The following TNFRSF9 variants were observed in gnomAD, a reference collection of about 807,000 sequenced individuals.
TNFRSF9 encodes the protein TNF receptor superfamily member 9.
TNFRSF9 carries 16 observed loss-of-function variants against 28.8 expected under a neutral mutation model. The observed-to-expected ratio is 0.55, with a 90% CI of 0.38 to 0.84. The LOEUF is 0.84. Among genes scored for constraint, TNFRSF9 ranks in the 40% least tolerant of loss-of-function variants. The pLI, the probability that TNFRSF9 is intolerant of heterozygous loss-of-function variation, is 0.00. For synonymous variants in TNFRSF9, 131 were observed against 117.0 expected, an observed-to-expected ratio of 1.12 and a Z score of -0.77; for missense variants, 303 against 315.0, an observed-to-expected ratio of 0.96 and a Z score of 0.29.
chr1:7,922,987 C>T (rs1000145310), intron 7 of TNFRSF9, among the ~76,000 whole-genome samples: 4 of 150,948 alleles, frequency 2.6e-5, no homozygotes, highest in Admixed American at 1.3e-4. Flanking sequence ...ACTGCAACCT[C>T]CGCCTCTTGG....
intron 7 of TNFRSF9, among the ~76,000 whole-genome samples, chr1:7,929,741 G>A (rs1248525050): frequency 6.6e-6 from 1 of 152,126 alleles, no homozygotes; most frequent in African/African-American, 2.4e-5. Context: ...GATCTCTGTG[G>A]TGATGGATAG....
chr1:7,930,570 C>T (rs1487941068), intron 7 of TNFRSF9, among the ~76,000 whole-genome samples: 7 of 152,026 alleles, frequency 4.6e-5, no homozygotes, highest in African/African-American at 1.7e-4. Flanking sequence ...CTGGCCTGGA[C>T]AACACCGTGA....
At chr1:7,929,839 A>G (rs1639707566) in intron 7 of TNFRSF9, among the ~76,000 whole-genome samples, 1 of 152,100 alleles carries the variant, frequency 6.6e-6, no homozygotes, top group African/African-American at 2.4e-5. Flanking sequence ...GCCAATGTCA[A>G]TTTCCTGCTT....
chr1:7,938,701 A>C lies in TNFRSF9; in HGVS notation c.208+20T>G, dbSNP rs1159186297. 1.3e-6 allele frequency: 2 copies of C among 1,550,042 alleles called. No individual in the cohort carries two copies. Among genetic ancestry groups the C allele is most frequent in the Non-Finnish European group, 1.8e-6 (2 of 1,134,772 alleles). ...TTCCCAACTATCTTCTAGAAGAAGA[A>C]AATATCTTTGAACTCATACCTTTAC... On this transcript the variant is annotated intron_variant, in intron 3 of 7. Transcript: ENST00000377507.
Position 7,938,260 on chromosome 1 carries a change from G to T in TNFRSF9, c.279C>A (p.His93Gln). The T allele has an allele frequency of 6.2e-7, 1 of 1,609,086 alleles. No homozygotes were observed. The highest frequency in any genetic ancestry group is 2.2e-5 in the East Asian group (1 of 44,514). ...ACATGCTGCATCCTGCCCCCAGGCA[G>T]TGAAACCCTGGAGTGCAGTCACACT... ...NAECDCTPGF[H>Q]CLGAGCSMCE... is the part of the protein sequence containing the mutation. Residue 93 changes from histidine to glutamine, a missense_variant, in exon 4 of 8, where the codon CAC (histidine) becomes CAA (glutamine). Physicochemically the swap from His to Gln is conservative, Grantham distance 24 (BLOSUM62 0). Transcript: ENST00000377507.
At position 7,921,217 on chromosome 1, in the gene TNFRSF9, T is replaced by A. The variant is rs550003315; in HGVS notation, c.680-294A>T. Among the ~76,000 whole-genome samples the A allele has an allele frequency of 2.6e-4, 40 of 151,980 alleles. No individual in the cohort carries two copies. The East Asian group carries it at 6.4e-3, about 24-fold the overall frequency. ...CGGGCGTGGTGGCAGGTGCCTGTAA[T>A]CCCAGCTACTCAGGAGGCTGAGGCA... is the stretch of plus-strand genomic sequence containing the variant. On this transcript the variant is annotated intron_variant, in intron 7 of 7. Transcript: ENST00000377507.
intron 3 of TNFRSF9, 26 bp downstream of exon 3, chr1:7,938,695 A>G: frequency 6.5e-7 from 1 of 1,531,608 alleles, no homozygotes; most frequent in Non-Finnish European, 8.9e-7. Context: ...ATCTTCTAGA[A>G]GAAGAAAATA....
intron 3 of TNFRSF9, 101 bp from the exon 4 acceptor site, chr1:7,938,431 T>G: frequency 1.6e-6 from 2 of 1,261,062 alleles, no homozygotes; most frequent in Non-Finnish European, 2.1e-6. Flanking sequence ...ACTCTACTTA[T>G]AGTGTTCCCA....
chr1:7,937,632 C>T, intron 5 of TNFRSF9, 58 bp downstream of exon 5: 1 of 1,453,678 alleles, frequency 6.9e-7, no homozygotes. Flanking sequence ...CATTCCTTAT[C>T]TTCCAAAAAA....
chr1:7,924,375 C>A (rs1639608614), intron 7 of TNFRSF9, among the ~76,000 whole-genome samples: 2 of 146,226 alleles, frequency 1.4e-5, no homozygotes, highest in African/African-American at 2.5e-5. Context: ...ACCTGTAATC[C>A]CAGCACTTTG....
intron 7 of TNFRSF9, among the ~76,000 whole-genome samples, chr1:7,932,703 GCA>G (rs540062525): frequency 1.5e-3 from 212 of 144,996 alleles, no homozygotes; most frequent in Middle Eastern, 6.8e-3. Flanking sequence ...ACACACACAC[GCA>G]CACACACACA....
Position 7,916,928 on chromosome 1 carries a change from T to A in TNFRSF9, c.*3907A>T, listed in dbSNP as rs1344616604. 6.6e-6 allele frequency: 1 copy of A among 152,076 alleles called. No homozygotes were observed. Among genetic ancestry groups the A allele is most frequent in the Non-Finnish European group, 1.5e-5 (1 of 68,016 alleles). 9.4% of individuals were successfully genotyped at this position (152,076 alleles called of 1,614,324 possible). A position where few individuals can be genotyped will look rare whatever the true frequency, so the allele number is the denominator to read the frequency against. ...TAAAGAACCAAGAATAACCAAGACA[T>A]CTCTTTTCTTTTTTTTCCTGAGACA... On this transcript the variant is annotated 3_prime_UTR_variant, in exon 8 of 8. Coordinates refer to ENST00000377507, the MANE Select transcript of TNFRSF9 (RefSeq NM_001561.6).
chr1:7,930,125 A>G (rs553414628), intron 7 of TNFRSF9, among the ~76,000 whole-genome samples: 21 of 151,844 alleles, frequency 1.4e-4, no homozygotes, highest in Non-Finnish European at 2.9e-4. Flanking sequence ...ATGCACCACC[A>G]CGCCTGGCTA....
intron 7 of TNFRSF9, among the ~76,000 whole-genome samples, chr1:7,922,919 T>C (rs1260825277): frequency 6.6e-6 from 1 of 151,178 alleles, no homozygotes; most frequent in East Asian, 2.0e-4. Flanking sequence ...TTTTTTTTTT[T>C]TGAGATGGAG....
At chr1:7,928,773 G>A (rs1353966945) in intron 7 of TNFRSF9, among the ~76,000 whole-genome samples, 2 of 152,292 alleles carry the variant, frequency 1.3e-5, no homozygotes, top group African/African-American at 2.4e-5. Flanking sequence ...CAGCTACTCA[G>A]GAGGCTGAGG....
chr1:7,916,111 A>T lies in TNFRSF9; in HGVS notation c.*4724T>A, dbSNP rs1639475422. On this transcript the variant is annotated 3_prime_UTR_variant, in exon 8 of 8. Coordinates refer to ENST00000377507, the MANE Select transcript of TNFRSF9 (RefSeq NM_001561.6). ...CATCAAAACTTTCCGTCAGAGTGAT[A>T]TCTTCCACTAAAGAAAAAAAATTAA... 1 of 152,194 alleles carries T rather than the reference A, an allele frequency of 6.6e-6. No individual in the cohort carries two copies. Among genetic ancestry groups the T allele is most frequent in the Non-Finnish European group, 1.5e-5 (1 of 68,046 alleles). 9.4% of individuals were successfully genotyped at this position (152,194 alleles called of 1,614,324 possible).
intron 7 of TNFRSF9, among the ~76,000 whole-genome samples, chr1:7,927,492 T>C (rs161818): frequency 0.1 from 15,510 of 152,074 alleles, 1,852 homozygotes; most frequent in East Asian, 0.52. Context: ...TTCCCGCTTT[T>C]GCCCCCCTTT....
chr1:7,940,018 T>C lies in TNFRSF9; in HGVS notation c.-24A>G. 1 of 1,525,950 alleles carries C rather than the reference T, an allele frequency of 6.6e-7. No homozygotes were observed. The highest frequency in any genetic ancestry group is 9.0e-7 in the Non-Finnish European group (1 of 1,105,458). 94.5% of individuals were successfully genotyped at this position (1,525,950 alleles called of 1,614,324 possible). A position where few individuals can be genotyped will look rare whatever the true frequency, so the allele number is the denominator to read the frequency against. On this transcript the variant is annotated 5_prime_UTR_variant, in exon 2 of 8. Transcript: ENST00000377507. ...ATGATGAAATCTGGCACAGGTATGA[T>C]ACTAGCAAAGCTGATTCCAAGAGAA...
chr1:7,933,436 C>T, intron 6 of TNFRSF9, 140 bp from the exon 7 acceptor site: 1 of 1,066,882 alleles, frequency 9.4e-7, no homozygotes, highest in Non-Finnish European at 1.3e-6. Context: ...ATGGAGTAAA[C>T]TTAGAAAACT....
Sources: allele counts gnomAD v4.1 joint callset (sites outside exome capture counted in the v4.1 genomes callset), GRCh38; gene constraint gnomAD v4.1.1; transcripts MANE v1.5; gene names NCBI Gene and HGNC (gene_info 2026-07-23, HGNC 2026-07-21).